The following ZNF423 variants were observed in gnomAD, a reference collection of about 807,000 sequenced individuals.
ZNF423 encodes the protein zinc finger protein 423, also known as Ebf-associated zinc finger protein.
Under a neutral mutation model 95.8 loss-of-function variants are expected in ZNF423, and 12 were observed. The observed-to-expected ratio is 0.13, with a 90% confidence interval of 0.08 to 0.20. The LOEUF (loss-of-function observed/expected upper bound fraction) is 0.20. Among genes scored for constraint, ZNF423 ranks in the 10% least tolerant of loss-of-function variants. ZNF423 has a pLI of 1.00. For synonymous variants in ZNF423, 749 were observed against 711.9 expected, an observed-to-expected ratio of 1.05 and a Z score of -0.83; for missense variants, 1,316 against 1,737.1, an observed-to-expected ratio of 0.76 and a Z score of 4.31.
intron 3 of ZNF423, among the ~76,000 whole-genome samples, chr16:49,693,050 A>AGTTCATGAATAAATGT (rs2031845536): frequency 6.6e-6 from 1 of 152,272 alleles, no homozygotes; most frequent in Non-Finnish European, 1.5e-5. Context: ...TGAGCCATAG[A>AGTTCATGAATAAATGT]GTTCATGAAT....
At chr16:49,644,933 G>C (rs1973121519) in intron 3 of ZNF423, among the ~76,000 whole-genome samples, 1 of 152,152 alleles carries the variant, frequency 6.6e-6, no homozygotes, top group African/African-American at 2.4e-5. Flanking sequence ...TCCATCAGGA[G>C]GCTGGGCCTC....
intron 7 of ZNF423, among the ~76,000 whole-genome samples, chr16:49,506,841 ATGGATGGATG>A (rs1967666617): frequency 1.3e-5 from 2 of 151,280 alleles, no homozygotes; most frequent in Non-Finnish European, 2.9e-5. Context: ...GGATGCATGG[ATGGATGGATG>A]GGTGGATGGA....
At chr16:49,559,129 T>C (rs963421202) in intron 5 of ZNF423, among the ~76,000 whole-genome samples, 1 of 152,216 alleles carries the variant, frequency 6.6e-6, no homozygotes, top group African/African-American at 2.4e-5. Flanking sequence ...TGAAAGGCAG[T>C]TGTATGTCTG....
intron 5 of ZNF423, among the ~76,000 whole-genome samples, chr16:49,543,235 G>T (rs944661945): frequency 3.9e-5 from 6 of 152,130 alleles, no homozygotes; most frequent in African/African-American, 4.8e-5. Context: ...AATCCAAAAA[G>T]AATGTCTTTC....
At chr16:49,700,987 T>C (rs1295309943) in intron 3 of ZNF423, among the ~76,000 whole-genome samples, 10 of 152,212 alleles carry the variant, frequency 6.6e-5, no homozygotes, top group Admixed American at 6.5e-4. Flanking sequence ...TTAGAATTTC[T>C]TGGCCTTGGC....
intron 3 of ZNF423, among the ~76,000 whole-genome samples, chr16:49,716,337 G>A (rs925106182): frequency 6.6e-6 from 1 of 152,074 alleles, no homozygotes; most frequent in Non-Finnish European, 1.5e-5. Context: ...GCTCAGCCAA[G>A]CCCTTGGAGA....
chr16:49,791,159 C>T (rs1391348753), intron 1 of ZNF423, among the ~76,000 whole-genome samples: 1 of 152,178 alleles, frequency 6.6e-6, no homozygotes, highest in Non-Finnish European at 1.5e-5. Context: ...CTTTTCCAAG[C>T]CCGCATCCTG....
At chr16:49,705,565 G>C (rs887182268) in intron 3 of ZNF423, among the ~76,000 whole-genome samples, 3 of 152,146 alleles carry the variant, frequency 2.0e-5, no homozygotes, top group African/African-American at 7.2e-5. Flanking sequence ...GCGTGATTTT[G>C]AGACAGAGTT....
chr16:49,529,830 G>C (rs1203149565), intron 5 of ZNF423, among the ~76,000 whole-genome samples: 3 of 152,024 alleles, frequency 2.0e-5, no homozygotes, highest in African/African-American at 7.3e-5. Context: ...CATTGTTCTC[G>C]GGCTCTGGTG....
intron 1 of ZNF423, among the ~76,000 whole-genome samples, chr16:49,830,881 G>A (rs143798522): frequency 1.3e-3 from 199 of 152,162 alleles, no homozygotes; most frequent in South Asian, 5.2e-3. Context: ...GAGCTTTTCC[G>A]AACTTGGATT....
intron 5 of ZNF423, among the ~76,000 whole-genome samples, chr16:49,532,667 T>A (rs1429701615): frequency 6.6e-6 from 1 of 151,910 alleles, no homozygotes; most frequent in African/African-American, 2.4e-5. Flanking sequence ...CTGGGTGTAG[T>A]CCTCCGAGGG....
chr16:49,613,078 C>T (rs1227560074), intron 5 of ZNF423, among the ~76,000 whole-genome samples: 1 of 150,492 alleles, frequency 6.6e-6, no homozygotes, highest in Non-Finnish European at 1.5e-5. Context: ...AGACTCAAGA[C>T]AGTAAAGATG....
At chr16:49,731,289 G>T in intron 2 of ZNF423, 1 of 984,336 alleles carries the variant, frequency 1.0e-6, no homozygotes, top group African/African-American at 1.7e-5. Context: ...ACCAGATTCA[G>T]TTACACACCT....
At chr16:49,630,713 T>C (rs1188687183) in intron 4 of ZNF423, among the ~76,000 whole-genome samples, 1 of 152,046 alleles carries the variant, frequency 6.6e-6, no homozygotes, top group African/African-American at 2.4e-5. Context: ...GGCAGGTGAA[T>C]AAAGGGAGCT....
At chr16:49,596,381 C>G (rs774406026) in intron 5 of ZNF423, among the ~76,000 whole-genome samples, 1 of 152,170 alleles carries the variant, frequency 6.6e-6, no homozygotes, top group Non-Finnish European at 1.5e-5. Flanking sequence ...AGAAAAACAA[C>G]AGCCCGCAGC....
rs529454153 is a variant in ZNF423, at chr16:49,636,696, A to T, written c.2480T>A (p.Ile827Asn). 16 of 1,613,980 alleles carry T rather than the reference A, an allele frequency of 9.9e-6. No homozygotes were observed. The highest frequency in any genetic ancestry group is 1.4e-5 in the Non-Finnish European group (16 of 1,180,040). ...CKFCSKAFHA[I>N]ILLEKHLREK... is the part of the protein sequence containing the mutation. ...CCGCAGGTGCTTCTCCAGCAGGATG[A>T]TGGCGTGGAAGGCCTTGCTGCAGAA... is the stretch of plus-strand genomic sequence containing the variant. Residue 827 changes from isoleucine to asparagine, a missense_variant, in exon 4 of 8, where the codon ATC (isoleucine) becomes AAC (asparagine). Physicochemically the swap from Ile to Asn is moderately radical, Grantham distance 149 (BLOSUM62 -3). Transcript: ENST00000563137. This position sits in a 1 kb window ranked among gnomAD's most constrained non-coding sequence, Gnocchi z 8.6.
intron 2 of ZNF423, 33 bp downstream of exon 2, chr16:49,789,454 C>T (rs776920357): frequency 6.2e-7 from 1 of 1,605,828 alleles, no homozygotes; most frequent in Middle Eastern, 1.7e-4. Context: ...CCAGGACCCC[C>T]TGCAACTCTT....
chr16:49,657,947 CCGT>C (rs1223039852), intron 3 of ZNF423, among the ~76,000 whole-genome samples: 1 of 152,226 alleles, frequency 6.6e-6, no homozygotes, highest in Non-Finnish European at 1.5e-5. Context: ...TGAGAGGCCA[CCGT>C]CAGGGTCTGT....
intron 1 of ZNF423, chr16:49,826,825 G>T (rs1050920425): frequency 1.3e-5 from 2 of 152,002 alleles, no homozygotes; most frequent in Non-Finnish European, 2.9e-5. Flanking sequence ...CTTAATCTTC[G>T]ATCCCAAAAT....
Sources: gnomAD v4.1 joint callset for allele counts (sites outside exome capture counted in the v4.1 genomes callset) on GRCh38, gnomAD v4.1.1 for gene constraint, Gnocchi (gnomAD v3.1) non-coding constraint, MANE v1.5 for transcripts, NCBI Gene and HGNC (gene_info 2026-07-23, HGNC 2026-07-21) for gene names.